DACH2: variants seen among roughly 807,000 people sequenced by gnomAD.
DACH2 encodes the protein dachshund family transcription factor 2.
A neutral mutation model predicts 35.8 loss-of-function variants in DACH2; 17 were observed. The ratio of observed to expected loss-of-function variants is 0.48; its 90% CI spans 0.33 to 0.71. The LOEUF (loss-of-function observed/expected upper bound fraction) is 0.71, where lower values mean the gene tolerates loss of function less well. Ranked by LOEUF, DACH2 falls within the 30% of genes least tolerant of loss-of-function variation. The pLI, the probability that DACH2 is intolerant of heterozygous loss-of-function variation, is 0.02. For missense variants in DACH2, 469 were observed against 472.7 expected (o/e 0.99, Z 0.07); for synonymous variants, 195 against 177.3 (o/e 1.10, Z -0.79).
chrX:86,711,650 A>G (rs1262019158), intron 5 of DACH2, among the ~76,000 whole-genome samples: 1 of 111,729 alleles, frequency 9.0e-6, no homozygotes, highest in East Asian at 2.8e-4. Context: ...GACTTTCATA[A>G]TTCAGTATTT....
chrX:86,764,105 T>C (rs2041909650), intron 7 of DACH2, among the ~76,000 whole-genome samples: 1 of 112,078 alleles, frequency 8.9e-6, no homozygotes, highest in Admixed American at 9.5e-5. Context: ...AAATGATCAT[T>C]CTAATTTTAG....
chrX:86,457,154 C>A (rs1211913295), intron 2 of DACH2, among the ~76,000 whole-genome samples: 3 of 111,147 alleles, frequency 2.7e-5, no homozygotes, highest in Non-Finnish European at 3.8e-5. Context: ...GTCTCACTAA[C>A]TTGATGAGAA....
At chrX:86,206,652 A>G (rs940840138) in intron 1 of DACH2, among the ~76,000 whole-genome samples, 2 of 112,324 alleles carry the variant, frequency 1.8e-5, no homozygotes, top group Admixed American at 1.9e-4. Flanking sequence ...TAGTCATGGC[A>G]AAGTCATTTA....
rs776478233 is a variant in DACH2, at chrX:86,714,723, A to G, written c.1104+3A>G. On this transcript the variant is annotated splice_donor_region_variant and intron_variant, in intron 6 of 11. Transcript: ENST00000373125. ...GAGCTGGTACCTCTGTTATAAAGGTAAGAATCGTGATTTAGAAAAGGACAA... is the reference window on the plus strand; with the variant it reads ...GAGCTGGTACCTCTGTTATAAAGGTGAGAATCGTGATTTAGAAAAGGACAA... 8.7e-7 allele frequency: 1 copy of G among 1,149,703 alleles called. No individual in the cohort carries two copies. The highest frequency in any genetic ancestry group is 2.4e-5 in the Admixed American group (1 of 41,520). 94.7% of individuals were successfully genotyped at this position (1,149,703 alleles called of 1,213,427 possible).
chrX:86,573,802 T>C (rs2039402173), intron 3 of DACH2, among the ~76,000 whole-genome samples: 1 of 111,747 alleles, frequency 8.9e-6, no homozygotes, highest in South Asian at 3.7e-4. Flanking sequence ...ATGTCCTCAC[T>C]CAACTGGTTT....
chrX:86,744,689 C>A (rs1019710671), intron 7 of DACH2, among the ~76,000 whole-genome samples: 1 of 111,541 alleles, frequency 9.0e-6, no homozygotes, highest in Non-Finnish European at 1.9e-5. Flanking sequence ...TGAGCTTTCA[C>A]GGCATTGATA....
intron 1 of DACH2, among the ~76,000 whole-genome samples, chrX:86,291,589 G>A (rs2034296298): frequency 9.2e-6 from 1 of 108,891 alleles, no homozygotes; most frequent in Non-Finnish European, 1.9e-5. Context: ...ATTATTTTGA[G>A]ATACATCCCA....
intron 1 of DACH2, among the ~76,000 whole-genome samples, chrX:86,369,176 T>TTA (rs1491421256): frequency 6.3e-5 from 7 of 110,873 alleles, no homozygotes; most frequent in Admixed American, 1.9e-4. Context: ...GTAAACAAAC[T>TTA]TATATATATT....
intron 2 of DACH2, among the ~76,000 whole-genome samples, chrX:86,383,381 G>A (rs2036075143): frequency 9.3e-6 from 1 of 107,605 alleles, no homozygotes; most frequent in African/African-American, 3.4e-5. Flanking sequence ...AATGCTATAT[G>A]TATTTGAGGC....
At chrX:86,342,369 A>G (rs2035427141) in intron 1 of DACH2, among the ~76,000 whole-genome samples, 2 of 110,782 alleles carry the variant, frequency 1.8e-5, no homozygotes, top group African/African-American at 6.6e-5. Context: ...AGTTATGTGG[A>G]GCACACCTAT....
chrX:86,338,243 C>T (rs950272905), intron 1 of DACH2, among the ~76,000 whole-genome samples: 7 of 111,658 alleles, frequency 6.3e-5, no homozygotes, highest in Non-Finnish European at 1.1e-4. Flanking sequence ...AACTCTCCAC[C>T]CCAAATCAAT....
intron 3 of DACH2, among the ~76,000 whole-genome samples, chrX:86,518,994 T>G (rs996274262): frequency 1.8e-5 from 2 of 112,253 alleles, no homozygotes; most frequent in African/African-American, 3.2e-5. Flanking sequence ...AGAAATGCTT[T>G]CAGCCTTTGC....
chrX:86,770,640 A>G (rs1250626121), intron 7 of DACH2, among the ~76,000 whole-genome samples: 6 of 112,172 alleles, frequency 5.3e-5, no homozygotes, highest in African/African-American at 1.9e-4. Flanking sequence ...GAACTTTCAA[A>G]TATATTTACA....
At chrX:86,735,710 T>C (rs1024026967) in intron 6 of DACH2, among the ~76,000 whole-genome samples, 1 of 111,642 alleles carries the variant, frequency 9.0e-6, no homozygotes, top group Non-Finnish European at 1.9e-5. Context: ...AGAAGACTTC[T>C]GTGGTGTTTC....
chrX:86,367,754 T>C (rs763679401), intron 1 of DACH2, among the ~76,000 whole-genome samples: 1 of 111,938 alleles, frequency 8.9e-6, no homozygotes, highest in South Asian at 3.7e-4. Flanking sequence ...CCCTGTTACG[T>C]TCAGAATTGG....
chrX:86,557,422 C>A (rs911922565), intron 3 of DACH2, among the ~76,000 whole-genome samples: 2 of 106,813 alleles, frequency 1.9e-5, no homozygotes, highest in South Asian at 4.4e-4. Flanking sequence ...CTTGGCGATG[C>A]GGGCTCTTTT....
rs2030748215 is a variant in DACH2 at position 86,161,336 on chromosome X, T to C, written c.488+12228T>C. On this transcript the variant is annotated intron_variant, in intron 1 of 11. Transcript: ENST00000373125. ...TCAGGACAGCACAGTCAACCTGAGATGTCCCTGTAATCACGTTCTTAATGG... is the reference window on the plus strand; with the variant it reads ...TCAGGACAGCACAGTCAACCTGAGACGTCCCTGTAATCACGTTCTTAATGG... 2.7e-6 allele frequency: 3 copies of C among 1,131,442 alleles called. No individual in the cohort carries two copies. In the East Asian group the frequency reaches 9.0e-5, roughly 34 times the overall value. 93.2% of individuals were successfully genotyped at this position (1,131,442 alleles called of 1,213,427 possible).
intron 2 of DACH2, among the ~76,000 whole-genome samples, chrX:86,389,127 A>G (rs867241469): frequency 1.1e-4 from 12 of 112,081 alleles, no homozygotes; most frequent in African/African-American, 3.9e-4. Context: ...CGTAGTATCA[A>G]CTGGTACTTT....
chrX:86,660,565 A>C (rs1353868449), intron 4 of DACH2, among the ~76,000 whole-genome samples: 1 of 111,962 alleles, frequency 8.9e-6, no homozygotes, highest in Non-Finnish European at 1.9e-5. Context: ...GTTAGTTGAG[A>C]GATTGTGTTC....
Sources: allele counts gnomAD v4.1 joint callset (sites outside exome capture counted in the v4.1 genomes callset), GRCh38; gene constraint gnomAD v4.1.1; transcripts MANE v1.5; gene names NCBI Gene and HGNC (gene_info 2026-07-23, HGNC 2026-07-21).